CELF1: variants seen among roughly 807,000 people sequenced by gnomAD.
The protein encoded by CELF1 is 50 kDa nuclear polyadenylated RNA-binding protein.
CELF1 carries 10 observed loss-of-function variants against 61.8 expected under a neutral mutation model. The ratio of observed to expected loss-of-function variants is 0.16; its 90% CI spans 0.10 to 0.27. The LOEUF (loss-of-function observed/expected upper bound fraction) is 0.27, where lower values mean the gene tolerates loss of function less well. Ranked by LOEUF, CELF1 falls within the 10% of genes least tolerant of loss-of-function variation. The pLI is 1.00. For synonymous variants in CELF1, 236 were observed against 225.1 expected (o/e 1.05, Z -0.43); for missense variants, 380 against 639.1 (o/e 0.59, Z 4.37).
At chr11:47,472,696 G>A (rs1171950708) in intron 14 of CELF1, among the ~76,000 whole-genome samples, 2 of 151,960 alleles carry the variant, frequency 1.3e-5, no homozygotes, top group Non-Finnish European at 2.9e-5. Flanking sequence ...GGGAACACAG[G>A]TACACGCCAC....
intron 1 of CELF1, among the ~76,000 whole-genome samples, chr11:47,503,867 A>G (rs370312660): frequency 1.3e-5 from 2 of 152,326 alleles, no homozygotes; most frequent in South Asian, 2.1e-4. Context: ...TTGTTACAAA[A>G]TGTGACGGTT....
intron 1 of CELF1, among the ~76,000 whole-genome samples, chr11:47,516,717 C>G (rs2095575654): frequency 6.6e-6 from 1 of 151,984 alleles, no homozygotes; most frequent in Non-Finnish European, 1.5e-5. Flanking sequence ...TTTCCTGCCT[C>G]AGCCTCCCCA....
chr11:47,531,539 A>C (rs1312471842), intron 1 of CELF1, among the ~76,000 whole-genome samples: 1 of 150,020 alleles, frequency 6.7e-6, no homozygotes, highest in Non-Finnish European at 1.5e-5. Context: ...ACTACACTCC[A>C]GCCTGGGCAA....
chr11:47,538,900 A>G (rs981530619), intron 1 of CELF1, among the ~76,000 whole-genome samples: 15 of 152,176 alleles, frequency 9.9e-5, no homozygotes, highest in Non-Finnish European at 2.1e-4. Context: ...TCATTCATGA[A>G]GTTACTGAGC....
chr11:47,522,273 C>A (rs2095955183), intron 1 of CELF1, among the ~76,000 whole-genome samples: 1 of 151,800 alleles, frequency 6.6e-6, no homozygotes, highest in African/African-American at 2.4e-5. Context: ...AGCCTGTAAC[C>A]CCAGCACTTT....
At chr11:47,563,796 G>T (rs7126378) in intron 2 of CELF1, among the ~76,000 whole-genome samples, 51,118 of 151,736 alleles carry the variant, frequency 0.34, 9,647 homozygotes, top group South Asian at 0.51. Flanking sequence ...CGAGGGGGAC[G>T]GATCTCCTCA....
chr11:47,480,603 G>A (rs2082463850), intron 9 of CELF1, among the ~76,000 whole-genome samples: 1 of 152,172 alleles, frequency 6.6e-6, no homozygotes, highest in Non-Finnish European at 1.5e-5. Context: ...CTAAAGGGGG[G>A]CTCCAAAAGT....
At chr11:47,558,429 CAT>C (rs1335285229) in intron 2 of CELF1, among the ~76,000 whole-genome samples, 2 of 132,616 alleles carry the variant, frequency 1.5e-5, no homozygotes, top group African/African-American at 6.0e-5. Context: ...ATGAAACCCT[CAT>C]ATATATATTA....
intron 1 of CELF1, among the ~76,000 whole-genome samples, chr11:47,537,971 G>A (rs1030482177): frequency 6.6e-6 from 1 of 150,654 alleles, no homozygotes; most frequent in African/African-American, 2.4e-5. Context: ...GCTGGCTGGA[G>A]TACATTGGCA....
intron 2 of CELF1, among the ~76,000 whole-genome samples, chr11:47,562,718 T>G (rs2097230385): frequency 6.6e-6 from 1 of 151,646 alleles, no homozygotes; most frequent in South Asian, 2.1e-4. Context: ...TTTTGTTTTT[T>G]TTTTGATATG....
chr11:47,486,711 G>C, intron 6 of CELF1, 39 bp downstream of exon 6: 1 of 1,561,880 alleles, frequency 6.4e-7, no homozygotes, highest in Non-Finnish European at 8.8e-7. Context: ...CCTGGCCTAG[G>C]CAGAAATCTT....
upstream of CELF1, chr11:47,565,528 G>A: frequency 2.8e-6 from 3 of 1,087,346 alleles, no homozygotes; most frequent in South Asian, 4.6e-5. Flanking sequence ...GAGGCCTAGT[G>A]CAGCTGGCAG....
At chr11:47,554,070 C>G (rs183624049), upstream of CELF1, among the ~76,000 whole-genome samples, 2 of 152,218 alleles carry the variant, frequency 1.3e-5, no homozygotes, top group African/African-American at 4.8e-5. Context: ...CTAACATCAT[C>G]TGGCTTCCCA....
chr11:47,512,340 A>G (rs889205575), intron 1 of CELF1, among the ~76,000 whole-genome samples: 1 of 151,944 alleles, frequency 6.6e-6, no homozygotes, highest in African/African-American at 2.4e-5. Flanking sequence ...TTTTTAGTAG[A>G]GACAGGTTTT....
At chr11:47,503,275 G>A (rs2153562703) in intron 1 of CELF1, among the ~76,000 whole-genome samples, 2 of 152,302 alleles carry the variant, frequency 1.3e-5, no homozygotes, top group East Asian at 3.9e-4. Context: ...AGCAATCACA[G>A]TATGTTTTGC....
chr11:47,480,989 C>T (rs2082682038), intron 9 of CELF1, among the ~76,000 whole-genome samples: 1 of 149,682 alleles, frequency 6.7e-6, no homozygotes, highest in Non-Finnish European at 1.5e-5. Context: ...GGCAACAGAG[C>T]GAGGCTTCAA....
chr11:47,525,750 A>G (rs2096205702), intron 1 of CELF1, among the ~76,000 whole-genome samples: 2 of 152,204 alleles, frequency 1.3e-5, no homozygotes, highest in Admixed American at 6.6e-5. Context: ...CTACTGCACT[A>G]AAGCGTGGGG....
chr11:47,512,674 T>C (rs2095291130), intron 1 of CELF1, among the ~76,000 whole-genome samples: 1 of 152,032 alleles, frequency 6.6e-6, no homozygotes, highest in South Asian at 2.1e-4. Flanking sequence ...AAAAGACAAA[T>C]AATAGAAATA....
At chr11:47,537,286 C>T (rs188489929) in intron 1 of CELF1, among the ~76,000 whole-genome samples, 18 of 146,686 alleles carry the variant, frequency 1.2e-4, no homozygotes, top group Admixed American at 4.8e-4. Flanking sequence ...CTCACTCTGT[C>T]GCCCAGGCTA....
Sources: allele counts gnomAD v4.1 joint callset (sites outside exome capture counted in the v4.1 genomes callset), GRCh38; gene constraint gnomAD v4.1.1; transcripts MANE v1.5; gene names NCBI Gene and HGNC (gene_info 2026-07-23, HGNC 2026-07-21).